NR3C1: variants seen among roughly 807,000 people sequenced by gnomAD.
NR3C1 encodes the protein nuclear receptor subfamily 3 group C member 1.
A neutral mutation model predicts 74.0 loss-of-function variants in NR3C1; 14 were observed. The observed-to-expected ratio is 0.19, with a 90% CI of 0.12 to 0.30. The LOEUF (loss-of-function observed/expected upper bound fraction) is 0.30, where lower values mean the gene tolerates loss of function less well. Ranked by LOEUF, NR3C1 falls within the 10% of genes least tolerant of loss-of-function variation. NR3C1 has a pLI of 1.00. For missense variants in NR3C1, 695 were observed against 909.8 expected, an observed-to-expected ratio of 0.76 and a Z score of 3.04; for synonymous variants, 308 against 332.5, an observed-to-expected ratio of 0.93 and a Z score of 0.80.
intron 2 of NR3C1, among the ~76,000 whole-genome samples, chr5:143,348,823 A>G (rs1829746634): frequency 6.6e-6 from 1 of 152,172 alleles, no homozygotes; most frequent in Non-Finnish European, 1.5e-5. Context: ...ACACACATGA[A>G]ACAAGGGCAC....
At chr5:143,432,842 G>GA (rs1476499988) in intron 1 of NR3C1, among the ~76,000 whole-genome samples, 1 of 152,062 alleles carries the variant, frequency 6.6e-6, no homozygotes, top group African/African-American at 2.4e-5. Context: ...CTCCCACCGG[G>GA]ATCCTCTCCA....
At chr5:143,435,505 C>T (rs1752061450) in exon 1 of NR3C1, 1 of 985,472 alleles carries the variant, frequency 1.0e-6, no homozygotes, top group South Asian at 4.7e-5. Context: ...CAAACCCTTA[C>T]ATAACCTGAC....
At chr5:143,321,909 C>A (rs1357841695) in intron 2 of NR3C1, among the ~76,000 whole-genome samples, 1 of 152,180 alleles carries the variant, frequency 6.6e-6, no homozygotes, top group Non-Finnish European at 1.5e-5. Flanking sequence ...TCAATAATCT[C>A]TTTTAGGTAG....
intron 2 of NR3C1, among the ~76,000 whole-genome samples, chr5:143,372,349 GTTGTAA>G (rs1283873503): frequency 6.6e-6 from 1 of 152,186 alleles, no homozygotes; most frequent in African/African-American, 2.4e-5. Context: ...GAAGCCAAGT[GTTGTAA>G]TACTAGAAGA....
intron 2 of NR3C1, among the ~76,000 whole-genome samples, chr5:143,397,266 A>C (rs980586600): frequency 6.6e-6 from 1 of 151,860 alleles, no homozygotes; most frequent in Admixed American, 6.6e-5. Context: ...AAGGAATTCA[A>C]GTTATTAGTG....
rs9324917 is a variant in NR3C1 at position 143,343,868 on chromosome 5, C to T, written c.1185-29700G>A. 4.4e-3 allele frequency among the ~76,000 whole-genome samples: 669 copies of T among 152,210 alleles called. 2 individuals carry two copies. The highest frequency in any genetic ancestry group is 0.015 in the African/African-American group (637 of 41,546). ...TATCACTATGCTCTTTCAAATACAG[C>T]AAATTATAGAGATTAAATAAACCAG... On this transcript the variant is annotated intron_variant, in intron 2 of 8. Transcript: ENST00000394464.
intron 7 of NR3C1, among the ~76,000 whole-genome samples, chr5:143,286,936 A>C (rs1261583552): frequency 6.6e-6 from 1 of 152,086 alleles, no homozygotes. Flanking sequence ...AGTGGAATTA[A>C]ATTAGAAATG....
intron 2 of NR3C1, among the ~76,000 whole-genome samples, chr5:143,331,629 C>G (rs372312195): frequency 9.2e-5 from 14 of 152,112 alleles, no homozygotes; most frequent in Non-Finnish European, 1.9e-4. Flanking sequence ...ATGTCCTTTG[C>G]GGCAACATGG....
intron 7 of NR3C1, among the ~76,000 whole-genome samples, chr5:143,290,705 T>C (rs1401263533): frequency 6.6e-6 from 1 of 152,048 alleles, no homozygotes; most frequent in Non-Finnish European, 1.5e-5. Flanking sequence ...GTAGCTAGGA[T>C]AACAGGCATG....
chr5:143,376,411 G>C (rs1835200034), intron 2 of NR3C1, among the ~76,000 whole-genome samples: 1 of 152,168 alleles, frequency 6.6e-6, no homozygotes, highest in East Asian at 1.9e-4. Context: ...ATGACACCTA[G>C]TGCCCTTCTC....
At chr5:143,413,830 C>T (rs182759619) in intron 1 of NR3C1, among the ~76,000 whole-genome samples, 1 of 151,886 alleles carries the variant, frequency 6.6e-6, no homozygotes, top group Non-Finnish European at 1.5e-5. Flanking sequence ...GAATGGGGTA[C>T]AAATGAAAGA....
At chr5:143,402,210 A>T (rs1354487543) in intron 1 of NR3C1, among the ~76,000 whole-genome samples, 11 of 152,198 alleles carry the variant, frequency 7.2e-5, no homozygotes, top group Admixed American at 2.0e-4. Context: ...AATGGAGCCC[A>T]ATGAATTTCC....
At chr5:143,329,510 T>C (rs569218423) in intron 2 of NR3C1, among the ~76,000 whole-genome samples, 4 of 152,352 alleles carry the variant, frequency 2.6e-5, no homozygotes, top group East Asian at 1.9e-4. Flanking sequence ...TATACATTTA[T>C]TAAGAGGCAA....
chr5:143,365,797 A>C (rs1833077188), intron 2 of NR3C1, among the ~76,000 whole-genome samples: 1 of 152,232 alleles, frequency 6.6e-6, no homozygotes, highest in Non-Finnish European at 1.5e-5. Flanking sequence ...GAAATCATAC[A>C]AAGTATGTTC....
At chr5:143,325,079 G>A (rs915876204) in intron 2 of NR3C1, among the ~76,000 whole-genome samples, 3 of 151,934 alleles carry the variant, frequency 2.0e-5, no homozygotes, top group Admixed American at 6.6e-5. Flanking sequence ...TTCCAAAGTC[G>A]CTTCCACATT....
chr5:143,398,124 T>A (rs945965105), intron 2 of NR3C1, among the ~76,000 whole-genome samples: 4 of 151,980 alleles, frequency 2.6e-5, no homozygotes, highest in South Asian at 2.1e-4. Flanking sequence ...AAACCAAGTA[T>A]GCGAATTCTA....
chr5:143,379,782 C>T (rs1186376971), intron 2 of NR3C1, among the ~76,000 whole-genome samples: 1 of 152,180 alleles, frequency 6.6e-6, no homozygotes, highest in Non-Finnish European at 1.5e-5. Flanking sequence ...TTCATTGCTA[C>T]AGCCAACCAG....
intron 1 of NR3C1, among the ~76,000 whole-genome samples, chr5:143,428,347 T>C (rs1751641277): frequency 6.6e-6 from 1 of 152,238 alleles, no homozygotes; most frequent in South Asian, 2.1e-4. Flanking sequence ...TGAGTGAATG[T>C]TGAAATACTG....
chr5:143,334,238 C>T (rs576433053), intron 2 of NR3C1, among the ~76,000 whole-genome samples: 1 of 151,866 alleles, frequency 6.6e-6, no homozygotes, highest in East Asian at 1.9e-4. Flanking sequence ...AAAAATTAGC[C>T]GGGCATGGTG....
Sources: gnomAD v4.1 joint callset for allele counts (sites outside exome capture counted in the v4.1 genomes callset) on GRCh38, gnomAD v4.1.1 for gene constraint, MANE v1.5 for transcripts, NCBI Gene and HGNC (gene_info 2026-07-23, HGNC 2026-07-21) for gene names.